DHRSX: variants seen among roughly 807,000 people sequenced by gnomAD.
DHRSX encodes polyprenol dehydrogenase.
A neutral mutation model predicts 34.0 loss-of-function variants in DHRSX; 31 were observed. That is an observed-to-expected ratio of 0.91 (90% CI 0.69 to 1.23). The LOEUF is 1.23. Ranked by LOEUF, DHRSX falls within the 50% of genes most tolerant of loss-of-function variation. The probability of loss-of-function intolerance (pLI) is 0.00; values close to 1 mark genes in which losing one functional copy is unlikely to be tolerated. For synonymous variants in DHRSX, 201 were observed against 183.8 expected (o/e 1.09, Z -0.76); for missense variants, 414 against 428.1 (o/e 0.97, Z 0.29).
At chrX:2,481,221 G>A (rs1370911038) in intron 1 of DHRSX, among the ~76,000 whole-genome samples, 3 of 152,044 alleles carry the variant, frequency 2.0e-5, no homozygotes, top group South Asian at 2.1e-4. Context: ...AAGATAGCTC[G>A]CATTTCCAGG....
At chrX:2,241,086 A>G (rs1173122996) in intron 6 of DHRSX, among the ~76,000 whole-genome samples, 2 of 152,122 alleles carry the variant, frequency 1.3e-5, no homozygotes, top group South Asian at 2.1e-4. Flanking sequence ...CAGGAGGCTG[A>G]GGCAGGAGAA....
chrX:2,242,797 G>A (rs1300576953), intron 6 of DHRSX, among the ~76,000 whole-genome samples: 3 of 151,960 alleles, frequency 2.0e-5, no homozygotes, highest in African/African-American at 7.2e-5. Flanking sequence ...AGAAATCACC[G>A]TAAAAATGGC....
chrX:2,361,340 C>A (rs745564337), intron 3 of DHRSX, among the ~76,000 whole-genome samples: 1 of 151,970 alleles, frequency 6.6e-6, no homozygotes, highest in Non-Finnish European at 1.5e-5. Flanking sequence ...CTCCTGACTT[C>A]GTGATACACC....
intron 3 of DHRSX, among the ~76,000 whole-genome samples, chrX:2,388,966 CAG>C (rs2043303641): frequency 6.6e-6 from 1 of 152,188 alleles, no homozygotes; most frequent in Non-Finnish European, 1.5e-5. Flanking sequence ...GTCTACAAGC[CAG>C]AGAGAAAGCA....
chrX:2,383,717 C>G lies in DHRSX; in HGVS notation c.286+25028G>C, dbSNP rs190438863. ...TGACACAATTAAACAACCAACGATACAATGTGTGAGGTTGGCGATAGAAGG... is the reference window on the plus strand; with the variant it reads ...TGACACAATTAAACAACCAACGATAGAATGTGTGAGGTTGGCGATAGAAGG... On this transcript the variant is annotated intron_variant, in intron 3 of 6. Coordinates refer to ENST00000334651, the MANE Select transcript of DHRSX (RefSeq NM_145177.3). Among the ~76,000 whole-genome samples the G allele has an allele frequency of 8.4e-3, 1,285 of 152,258 alleles. 33 individuals are homozygous for G. In the East Asian group the frequency reaches 0.092, roughly 11 times the overall value.
At chrX:2,247,450 C>T (rs1314483238) in intron 5 of DHRSX, among the ~76,000 whole-genome samples, 10 of 151,484 alleles carry the variant, frequency 6.6e-5, no homozygotes, top group African/African-American at 1.2e-4. Flanking sequence ...GTCAGGAGAT[C>T]GAGACCATCC....
Position 2,259,359 on chromosome X carries a change from GATATAGATAT to G in DHRSX, c.596+7371_596+7380del, listed in dbSNP as rs1424639297. Among the ~76,000 whole-genome samples, 165 of 110,856 alleles carry G rather than the reference GATATAGATAT, an allele frequency of 1.5e-3. 1 individual carries two copies. The highest frequency in any genetic ancestry group is 4.3e-3 in the African/African-American group (153 of 35,756). The allele number at this position is 110,856 out of a possible 152,430, so 72.7% of individuals were successfully genotyped here. ...ATATATAGATATAGATATATAGATA[GATATAGATAT>G]ATATAGATATATATATAGATATATA... is the stretch of plus-strand genomic sequence containing the variant. On this transcript the variant is annotated intron_variant, in intron 5 of 6. Coordinates refer to ENST00000334651, the MANE Select transcript of DHRSX (RefSeq NM_145177.3).
chrX:2,291,896 A>ATTTC (rs1556453320), intron 3 of DHRSX, among the ~76,000 whole-genome samples: 2 of 96,146 alleles, frequency 2.1e-5, no homozygotes, highest in African/African-American at 7.7e-5. Context: ...GTATTTTTGT[A>ATTTC]TTTTTTTTTT....
chrX:2,436,468 T>TATC (rs1315605528), intron 1 of DHRSX, among the ~76,000 whole-genome samples: 1 of 128,266 alleles, frequency 7.8e-6, no homozygotes, highest in Non-Finnish European at 1.7e-5. Flanking sequence ...AACATATTAT[T>TATC]ATTATTATTA....
At chrX:2,229,727 G>A (rs896622231) in intron 6 of DHRSX, among the ~76,000 whole-genome samples, 3 of 152,086 alleles carry the variant, frequency 2.0e-5, no homozygotes, top group African/African-American at 4.8e-5. Context: ...GTGTATTCAT[G>A]CATGTGTTTG....
chrX:2,244,479 T>A (rs1220868844), intron 5 of DHRSX, among the ~76,000 whole-genome samples: 1 of 152,118 alleles, frequency 6.6e-6, no homozygotes, highest in Non-Finnish European at 1.5e-5. Context: ...CACCATAGAC[T>A]CCTTTTAGAA....
intron 1 of DHRSX, among the ~76,000 whole-genome samples, chrX:2,444,350 G>A (rs976098964): frequency 6.6e-6 from 1 of 152,160 alleles, no homozygotes; most frequent in Non-Finnish European, 1.5e-5. Context: ...ACAGGTATTT[G>A]ATTCCTCTTG....
At chrX:2,310,739 A>G (rs1352368037) in intron 3 of DHRSX, among the ~76,000 whole-genome samples, 1 of 152,004 alleles carries the variant, frequency 6.6e-6, no homozygotes, top group Non-Finnish European at 1.5e-5. Flanking sequence ...GCACAGAAAG[A>G]GAGCTTGAAA....
At chrX:2,490,218 T>A (rs777355574) in intron 1 of DHRSX, 1 of 1,613,948 alleles carries the variant, frequency 6.2e-7, no homozygotes, top group East Asian at 2.2e-5. Context: ...TTGGTAGAGA[T>A]GTACTTCCGG....
chrX:2,246,980 GCT>G (rs1470550316), intron 5 of DHRSX, among the ~76,000 whole-genome samples: 2 of 152,070 alleles, frequency 1.3e-5, no homozygotes, highest in African/African-American at 2.4e-5. Flanking sequence ...AAGGAGTCTT[GCT>G]CTGTCACCCA....
intron 3 of DHRSX, among the ~76,000 whole-genome samples, chrX:2,303,888 G>GATAA (rs2042053149): frequency 2.1e-5 from 3 of 144,838 alleles, no homozygotes; most frequent in Admixed American, 6.9e-5. Flanking sequence ...TGGATGGATG[G>GATAA]ATGGATGGAT....
chrX:2,489,748 C>T (rs775678500), intron 1 of DHRSX: 20 of 1,613,200 alleles, frequency 1.2e-5, no homozygotes, highest in Non-Finnish European at 1.4e-5. Flanking sequence ...CCACGGCAGA[C>T]TGCTGGAAGT....
At chrX:2,272,554 T>TA (rs2041571682) in intron 4 of DHRSX, among the ~76,000 whole-genome samples, 1 of 152,128 alleles carries the variant, frequency 6.6e-6, no homozygotes, top group Admixed American at 6.5e-5. Flanking sequence ...GTTGGGTCAA[T>TA]AAGGTCACGT....
intron 5 of DHRSX, among the ~76,000 whole-genome samples, chrX:2,249,420 G>A (rs1160328097): frequency 7.0e-6 from 1 of 143,462 alleles, no homozygotes; most frequent in Non-Finnish European, 1.5e-5. Flanking sequence ...GGATGGTCTC[G>A]ATCTCCTGAC....
Sources: gnomAD v4.1 joint callset for allele counts (sites outside exome capture counted in the v4.1 genomes callset) on GRCh38, gnomAD v4.1.1 for gene constraint, MANE v1.5 for transcripts, NCBI Gene and HGNC (gene_info 2026-07-23, HGNC 2026-07-21) for gene names.